MNAT1: variants seen among roughly 807,000 people sequenced by gnomAD.
MNAT1 encodes MNAT1 component of CDK activating kinase.
Under a neutral mutation model 42.0 loss-of-function variants are expected in MNAT1, and 43 were observed. The ratio of observed to expected loss-of-function variants is 1.02; its 90% CI spans 0.80 to 1.32. The LOEUF (loss-of-function observed/expected upper bound fraction) is 1.32. Among genes scored for constraint, MNAT1 ranks in the 40% most tolerant of loss-of-function variants. The pLI, the probability that MNAT1 is intolerant of heterozygous loss-of-function variation, is 0.00. For missense variants in MNAT1, 306 were observed against 350.4 expected, an observed-to-expected ratio of 0.87 and a Z score of 1.01; for synonymous variants, 118 against 120.0, an observed-to-expected ratio of 0.98 and a Z score of 0.11.
chr14:60,804,552 G>A (rs962606128), intron 3 of MNAT1, among the ~76,000 whole-genome samples: 1 of 151,752 alleles, frequency 6.6e-6, no homozygotes, highest in Non-Finnish European at 1.5e-5. Context: ...TAGAGATAGG[G>A]TCTCACTCTG....
chr14:60,759,914 T>C (rs2030525358), intron 1 of MNAT1, among the ~76,000 whole-genome samples: 1 of 152,174 alleles, frequency 6.6e-6, no homozygotes, highest in South Asian at 2.1e-4. Flanking sequence ...AAGAACAGTT[T>C]TTACTTATTT....
At chr14:60,792,170 T>G (rs2031847453) in intron 1 of MNAT1, among the ~76,000 whole-genome samples, 1 of 152,154 alleles carries the variant, frequency 6.6e-6, no homozygotes, top group Non-Finnish European at 1.5e-5. Context: ...CATGAATCCT[T>G]AAACGCATTT....
At chr14:60,875,187 A>C (rs1222003914) in intron 6 of MNAT1, among the ~76,000 whole-genome samples, 1 of 152,134 alleles carries the variant, frequency 6.6e-6, no homozygotes, top group Non-Finnish European at 1.5e-5. Context: ...AATTTATATA[A>C]AAAATTGGTT....
intron 1 of MNAT1, among the ~76,000 whole-genome samples, chr14:60,744,866 G>A (rs1481124129): frequency 6.6e-6 from 1 of 152,132 alleles, no homozygotes; most frequent in Non-Finnish European, 1.5e-5. Context: ...GTGTTAATGT[G>A]ATTTCTCTGC....
intron 1 of MNAT1, among the ~76,000 whole-genome samples, chr14:60,753,105 A>G (rs1472008328): frequency 6.6e-6 from 1 of 152,138 alleles, no homozygotes; most frequent in Non-Finnish European, 1.5e-5. Flanking sequence ...TTATCCTAAA[A>G]CTAAATGGCT....
intron 6 of MNAT1, among the ~76,000 whole-genome samples, chr14:60,849,332 A>G (rs1032510841): frequency 1.3e-4 from 20 of 152,216 alleles, no homozygotes; most frequent in Admixed American, 2.0e-4. Flanking sequence ...GCTTAACAAT[A>G]TATTTGGAGG....
chr14:60,924,829 C>T (rs144367191), intron 7 of MNAT1, among the ~76,000 whole-genome samples: 1 of 152,274 alleles, frequency 6.6e-6, no homozygotes, highest in Non-Finnish European at 1.5e-5. Flanking sequence ...TTCAGTCTGT[C>T]CTGTTGCATT....
intron 1 of MNAT1, among the ~76,000 whole-genome samples, chr14:60,769,348 T>C (rs1208587387): frequency 6.6e-6 from 1 of 152,210 alleles, no homozygotes; most frequent in Non-Finnish European, 1.5e-5. Context: ...CATAACTCAC[T>C]GCAACTTTGT....
At chr14:60,746,420 C>T (rs1280149009) in intron 1 of MNAT1, among the ~76,000 whole-genome samples, 1 of 151,258 alleles carries the variant, frequency 6.6e-6, no homozygotes, top group Non-Finnish European at 1.5e-5. Context: ...GAGGATGAGG[C>T]AGGAGAATCA....
chr14:60,938,029 T>G (rs2036045573), intron 7 of MNAT1, among the ~76,000 whole-genome samples: 1 of 152,200 alleles, frequency 6.6e-6, no homozygotes, highest in Non-Finnish European at 1.5e-5. Flanking sequence ...TGGCTGTTTG[T>G]CTGTTATTGG....
rs28815000 is a variant in MNAT1, at chr14:60,887,389, C to A, written c.809+7554C>A. Among the ~76,000 whole-genome samples the A allele has an allele frequency of 1.9e-4, 21 of 110,934 alleles. 1 individual carries two copies. The East Asian group carries it at 7.1e-3, about 38-fold the overall frequency. 72.8% of individuals were successfully genotyped at this position (110,934 alleles called of 152,430 possible). Reference sequence around the variant, plus strand: ...TATCTCCTAATGCTATCCCTCCCCCCTCCCCCCACCCCACAACAGTCCCCA... The same window carrying A: ...TATCTCCTAATGCTATCCCTCCCCCATCCCCCCACCCCACAACAGTCCCCA... On this transcript the variant is annotated intron_variant, in intron 7 of 7. Coordinates refer to ENST00000261245, the MANE Select transcript of MNAT1 (RefSeq NM_002431.4).
chr14:60,772,376 G>A (rs1427318117), intron 1 of MNAT1, among the ~76,000 whole-genome samples: 1 of 152,208 alleles, frequency 6.6e-6, no homozygotes, highest in Non-Finnish European at 1.5e-5. Context: ...CCTGAGGTCA[G>A]GAGTTTGAGA....
chr14:60,911,157 G>A (rs1460661243), intron 7 of MNAT1, among the ~76,000 whole-genome samples: 1 of 152,098 alleles, frequency 6.6e-6, no homozygotes, highest in African/African-American at 2.4e-5. Context: ...ATTTCTGTGG[G>A]ATCGGTGGTG....
chr14:60,928,950 CA>C (rs2035822003), intron 7 of MNAT1, among the ~76,000 whole-genome samples: 2 of 150,842 alleles, frequency 1.3e-5, no homozygotes, highest in South Asian at 2.1e-4. Context: ...AGATCAAGAC[CA>C]TCCTGGCTAA....
chr14:60,753,172 G>A (rs2030174523), intron 1 of MNAT1, among the ~76,000 whole-genome samples: 1 of 152,172 alleles, frequency 6.6e-6, no homozygotes, highest in African/African-American at 2.4e-5. Context: ...TTTGGGCATG[G>A]CTGAGCTGGG....
intron 7 of MNAT1, among the ~76,000 whole-genome samples, chr14:60,951,351 T>G (rs2036381493): frequency 6.9e-6 from 1 of 144,198 alleles, no homozygotes; most frequent in Admixed American, 7.1e-5. Flanking sequence ...GCTCCTTACA[T>G]CCTGCTTTTC....
At chr14:60,956,152 A>G (rs1160224484) in intron 7 of MNAT1, among the ~76,000 whole-genome samples, 1 of 151,904 alleles carries the variant, frequency 6.6e-6, no homozygotes, top group Non-Finnish European at 1.5e-5. Context: ...ATTTCTCAGG[A>G]CTGCTTTGGC....
At chr14:60,735,432 C>G (rs4151154) in intron 1 of MNAT1, among the ~76,000 whole-genome samples, 2,180 of 152,210 alleles carry the variant, frequency 0.014, 37 homozygotes, top group South Asian at 0.045. Flanking sequence ...TGATGGAGTT[C>G]GGTTAGACTC....
At chr14:60,884,983 G>T (rs1196812372) in intron 7 of MNAT1, among the ~76,000 whole-genome samples, 1 of 151,822 alleles carries the variant, frequency 6.6e-6, no homozygotes, top group Non-Finnish European at 1.5e-5. Flanking sequence ...CTATTCTAGG[G>T]CAAAAGCTTT....
Sources: gnomAD v4.1 joint callset for allele counts (sites outside exome capture counted in the v4.1 genomes callset) on GRCh38, gnomAD v4.1.1 for gene constraint, MANE v1.5 for transcripts, NCBI Gene and HGNC (gene_info 2026-07-23, HGNC 2026-07-21) for gene names.